Variants in KCNIP4 observed in about 807,000 individuals in gnomAD.
KCNIP4 encodes the protein potassium voltage-gated channel interacting protein 4.
Under a neutral mutation model 34.0 loss-of-function variants are expected in KCNIP4, and 12 were observed. The observed-to-expected ratio is 0.35, with a 90% CI of 0.23 to 0.57. The LOEUF is 0.57. KCNIP4 is among the 20% of genes least tolerant of loss of function. The pLI is 0.83. For synonymous variants in KCNIP4, 124 were observed against 102.2 expected, an observed-to-expected ratio of 1.21 and a Z score of -1.29; for missense variants, 238 against 311.7, an observed-to-expected ratio of 0.76 and a Z score of 1.78.
chr4:21,558,681 C>A (rs572137886), intron 1 of KCNIP4, among the ~76,000 whole-genome samples: 61 of 152,002 alleles, frequency 4.0e-4, no homozygotes, highest in Non-Finnish European at 7.6e-4. Flanking sequence ...CTATCAGGAG[C>A]ATCTAGTTAC....
chr4:21,429,098 T>C (rs1160254595), intron 1 of KCNIP4, among the ~76,000 whole-genome samples: 1 of 152,140 alleles, frequency 6.6e-6, no homozygotes, highest in African/African-American at 2.4e-5. Flanking sequence ...ACAAAATAGG[T>C]TCACTGCCTT....
intron 1 of KCNIP4, among the ~76,000 whole-genome samples, chr4:21,421,977 T>C (rs1478753577): frequency 6.6e-6 from 1 of 152,216 alleles, no homozygotes; most frequent in Non-Finnish European, 1.5e-5. Flanking sequence ...TAGTCTCTGA[T>C]ACACTAACAA....
chr4:21,458,644 T>A (rs1367406639), intron 1 of KCNIP4, among the ~76,000 whole-genome samples: 1 of 151,976 alleles, frequency 6.6e-6, no homozygotes, highest in Non-Finnish European at 1.5e-5. Context: ...AACTTCCTGA[T>A]CGCTAACCTA....
At chr4:21,414,634 A>G (rs779929734) in intron 1 of KCNIP4, among the ~76,000 whole-genome samples, 1 of 152,200 alleles carries the variant, frequency 6.6e-6, no homozygotes, top group Non-Finnish European at 1.5e-5. Context: ...TAGCACTCCC[A>G]TGTTCATTGC....
chr4:20,875,390 T>A (rs1355954013), intron 2 of KCNIP4, among the ~76,000 whole-genome samples: 1 of 152,198 alleles, frequency 6.6e-6, no homozygotes, highest in Non-Finnish European at 1.5e-5. Context: ...ATGGGTATAA[T>A]CCTGTCCACC....
chr4:21,534,809 G>T (rs1012162673), intron 1 of KCNIP4, among the ~76,000 whole-genome samples: 1 of 152,116 alleles, frequency 6.6e-6, no homozygotes, highest in African/African-American at 2.4e-5. Context: ...TGCAGGGGAT[G>T]GTGCTGCAGC....
intron 1 of KCNIP4, among the ~76,000 whole-genome samples, chr4:21,801,559 G>A (rs1720993818): frequency 6.6e-6 from 1 of 152,022 alleles, no homozygotes; most frequent in African/African-American, 2.4e-5. Flanking sequence ...ACACTGCTTG[G>A]AAAATGGTGG....
At chr4:21,541,196 A>AAAG (rs1491503333) in intron 1 of KCNIP4, among the ~76,000 whole-genome samples, 2 of 146,750 alleles carry the variant, frequency 1.4e-5, no homozygotes, top group Non-Finnish European at 1.5e-5. Flanking sequence ...AAAAAAAAAA[A>AAAG]AGAGAGAGAG....
chr4:20,790,887 TAAAG>T (rs1187048581), intron 3 of KCNIP4, among the ~76,000 whole-genome samples: 1 of 151,942 alleles, frequency 6.6e-6, no homozygotes, highest in Non-Finnish European at 1.5e-5. Flanking sequence ...TTGCCTAAGA[TAAAG>T]GAAGAAAAGA....
chr4:21,890,876 A>G (rs949596103), intron 1 of KCNIP4, among the ~76,000 whole-genome samples: 3 of 152,130 alleles, frequency 2.0e-5, no homozygotes, highest in Non-Finnish European at 4.4e-5. Context: ...AATGAAACAT[A>G]GGGTTTATTA....
intron 1 of KCNIP4, among the ~76,000 whole-genome samples, chr4:21,185,885 AT>A: frequency 6.6e-6 from 1 of 152,200 alleles, no homozygotes; most frequent in East Asian, 1.9e-4. Context: ...CTGGGCACAA[AT>A]TTTTCCCTCC....
intron 1 of KCNIP4, among the ~76,000 whole-genome samples, chr4:21,123,386 T>A (rs1426222866): frequency 6.6e-6 from 1 of 152,188 alleles, no homozygotes; most frequent in African/African-American, 2.4e-5. Context: ...TTCAAAATTA[T>A]CTTTTTCTGA....
At chr4:21,046,303 G>A (rs541377617) in intron 1 of KCNIP4, among the ~76,000 whole-genome samples, 1 of 152,268 alleles carries the variant, frequency 6.6e-6, no homozygotes, top group Non-Finnish European at 1.5e-5. Context: ...CAAAACCCTG[G>A]ACACTGGTTA....
At chr4:21,074,246 G>A (rs541288552) in intron 1 of KCNIP4, among the ~76,000 whole-genome samples, 5 of 152,202 alleles carry the variant, frequency 3.3e-5, no homozygotes, top group Admixed American at 6.5e-5. Flanking sequence ...GGTAGAAATC[G>A]GCTGTGAATC....
In KCNIP4 at chr4:21,815,449, A is replaced by G. The variant is rs73256569; in HGVS notation, c.61+133122T>C. Reference sequence around the variant, plus strand: ...CACCACCACCATCATCACTCTTAGTACGATTATCACTAAAGATGATTAAAG... The same window carrying G: ...CACCACCACCATCATCACTCTTAGTGCGATTATCACTAAAGATGATTAAAG... On this transcript the variant is annotated intron_variant, in intron 1 of 8. Transcript: ENST00000382152. 9.7e-3 allele frequency among the ~76,000 whole-genome samples: 1,471 copies of G among 152,296 alleles called. 12 individuals are homozygous for G. The highest frequency in any genetic ancestry group is 0.016 in the Non-Finnish European group (1,077 of 68,014).
At chr4:20,921,838 C>T (rs977822750) in intron 1 of KCNIP4, among the ~76,000 whole-genome samples, 2 of 152,124 alleles carry the variant, frequency 1.3e-5, no homozygotes, top group Non-Finnish European at 2.9e-5. Context: ...GTGATGTTAA[C>T]AAGTTGAATA....
intron 1 of KCNIP4, among the ~76,000 whole-genome samples, chr4:21,690,094 A>C (rs1417782241): frequency 6.8e-6 from 1 of 147,772 alleles, no homozygotes; most frequent in African/African-American, 2.5e-5. Flanking sequence ...ATATACATAT[A>C]TATGTATATA....
intron 1 of KCNIP4, among the ~76,000 whole-genome samples, chr4:21,156,410 G>A (rs572130112): frequency 7.9e-5 from 12 of 152,246 alleles, no homozygotes; most frequent in African/African-American, 2.9e-4. Flanking sequence ...TGCTCAAAGA[G>A]ATTCTAGGGG....
chr4:21,613,169 G>A (rs1333714064), intron 1 of KCNIP4, among the ~76,000 whole-genome samples: 2 of 152,132 alleles, frequency 1.3e-5, no homozygotes, highest in Non-Finnish European at 2.9e-5. Context: ...CTCCCAACAT[G>A]AGCCAGCCTC....
Sources: gnomAD v4.1 joint callset for allele counts (sites outside exome capture counted in the v4.1 genomes callset) on GRCh38, gnomAD v4.1.1 for gene constraint, MANE v1.5 for transcripts, NCBI Gene and HGNC (gene_info 2026-07-23, HGNC 2026-07-21) for gene names.